GRIN2A: variants seen among roughly 807,000 people sequenced by gnomAD.
GRIN2A encodes the protein glutamate ionotropic receptor NMDA type subunit 2A.
In GRIN2A, 22 loss-of-function variants were observed where a neutral mutation model predicts 113.4. The ratio of observed to expected loss-of-function variants is 0.19; its 90% CI spans 0.14 to 0.28. The LOEUF (loss-of-function observed/expected upper bound fraction) is 0.28. Ranked by LOEUF, GRIN2A falls within the 10% of genes least tolerant of loss-of-function variation. The pLI is 1.00. For synonymous variants in GRIN2A, 827 were observed against 738.4 expected, an observed-to-expected ratio of 1.12 and a Z score of -1.94; for missense variants, 1,502 against 1,887.0, an observed-to-expected ratio of 0.80 and a Z score of 3.78.
intron 3 of GRIN2A, among the ~76,000 whole-genome samples, chr16:9,929,155 T>C (rs2044532992): frequency 6.6e-6 from 1 of 152,202 alleles, no homozygotes; most frequent in South Asian, 2.1e-4. Context: ...TGAGTCATCA[T>C]TCTCCCCTGC....
chr16:10,104,619 T>A (rs955617148), intron 2 of GRIN2A, among the ~76,000 whole-genome samples: 2 of 152,218 alleles, frequency 1.3e-5, no homozygotes, highest in Admixed American at 6.5e-5. Context: ...TGTATTTTTA[T>A]TTTTTCCAAT....
At chr16:9,908,907 C>T (rs12930734) in intron 3 of GRIN2A, among the ~76,000 whole-genome samples, 1 of 152,112 alleles carries the variant, frequency 6.6e-6, no homozygotes, top group Admixed American at 6.6e-5. Context: ...TCAGAGCTGG[C>T]TGGGGGATGA....
intron 4 of GRIN2A, among the ~76,000 whole-genome samples, chr16:9,883,536 A>G (rs2043526446): frequency 6.6e-6 from 1 of 152,240 alleles, no homozygotes; most frequent in African/African-American, 2.4e-5. Flanking sequence ...AGCAAAGAGG[A>G]CAAATGTTTG....
chr16:9,993,303 G>C (rs2046159875), intron 2 of GRIN2A, among the ~76,000 whole-genome samples: 1 of 152,038 alleles, frequency 6.6e-6, no homozygotes, highest in African/African-American at 2.4e-5. Context: ...AAATCACACT[G>C]TTTTGGGAGG....
At chr16:10,042,647 C>A (rs1186997257) in intron 2 of GRIN2A, among the ~76,000 whole-genome samples, 1 of 152,108 alleles carries the variant, frequency 6.6e-6, no homozygotes, top group Non-Finnish European at 1.5e-5. Flanking sequence ...TGTTATGCAC[C>A]AATAGCTAAC....
intron 2 of GRIN2A, among the ~76,000 whole-genome samples, chr16:10,109,989 G>A (rs1021702047): frequency 6.6e-6 from 1 of 152,062 alleles, no homozygotes; most frequent in East Asian, 1.9e-4. Context: ...CCATGCTGGT[G>A]TGCTGCATCC....
At chr16:9,873,386 A>G (rs939976893) in intron 4 of GRIN2A, among the ~76,000 whole-genome samples, 1 of 152,196 alleles carries the variant, frequency 6.6e-6, no homozygotes, top group African/African-American at 2.4e-5. Context: ...GTATTGATTC[A>G]AGTCACCAAC....
At chr16:9,979,869 G>A (rs1220332900) in intron 2 of GRIN2A, among the ~76,000 whole-genome samples, 2 of 148,968 alleles carry the variant, frequency 1.3e-5, no homozygotes, top group African/African-American at 4.9e-5. Flanking sequence ...GTGTGTGTGT[G>A]TGTGTGTATG....
In GRIN2A at chr16:9,918,555, G is replaced by A. The variant is rs950532736; in HGVS notation, c.1007+19404C>T. On this transcript the variant is annotated intron_variant, in intron 3 of 12. Coordinates refer to ENST00000330684, the MANE Select transcript of GRIN2A (RefSeq NM_001134407.3). ...GAAAGAAAAACCAAGGATAAGAGGG[G>A]ACTACTGTATAGGTTCGAGTCATTC... Among the ~76,000 whole-genome samples, 7 of 152,268 alleles carry A rather than the reference G, an allele frequency of 4.6e-5. No individual in the cohort carries two copies. The East Asian group carries it at 1.2e-3, about 25-fold the overall frequency.
At chr16:10,002,842 A>G (rs2046343655) in intron 2 of GRIN2A, among the ~76,000 whole-genome samples, 1 of 152,226 alleles carries the variant, frequency 6.6e-6, no homozygotes, top group Non-Finnish European at 1.5e-5. Context: ...TGTGTAGGAC[A>G]CATTTGTGAA....
chr16:9,784,051 C>A (rs1463451996), intron 11 of GRIN2A, among the ~76,000 whole-genome samples: 1 of 152,128 alleles, frequency 6.6e-6, no homozygotes, highest in African/African-American at 2.4e-5. Context: ...ATGAAATAAT[C>A]TGTACAACAA....
chr16:9,923,327 C>T (rs2044392889), intron 3 of GRIN2A, among the ~76,000 whole-genome samples: 4 of 152,078 alleles, frequency 2.6e-5, no homozygotes, highest in Admixed American at 2.6e-4. Context: ...AACTTTCAAC[C>T]TATTTATGCT....
intron 2 of GRIN2A, among the ~76,000 whole-genome samples, chr16:10,001,775 G>A (rs1004490713): frequency 6.6e-6 from 1 of 152,186 alleles, no homozygotes; most frequent in African/African-American, 2.4e-5. Context: ...TCATGGGGTA[G>A]GCACGGATAT....
At chr16:9,999,889 G>T (rs1337925727) in intron 2 of GRIN2A, among the ~76,000 whole-genome samples, 1 of 152,118 alleles carries the variant, frequency 6.6e-6, no homozygotes, top group Non-Finnish European at 1.5e-5. Context: ...CTGCAATTCT[G>T]AGGTCATAAA....
At chr16:10,167,155 A>G (rs1042795633) in intron 2 of GRIN2A, among the ~76,000 whole-genome samples, 24 of 152,278 alleles carry the variant, frequency 1.6e-4, no homozygotes, top group African/African-American at 5.8e-4. Flanking sequence ...AATCAAATCC[A>G]AGGAAGTCTA....
chr16:10,117,833 T>G (rs1389933428), intron 2 of GRIN2A, among the ~76,000 whole-genome samples: 1 of 152,204 alleles, frequency 6.6e-6, no homozygotes, highest in Non-Finnish European at 1.5e-5. Flanking sequence ...AGAAATATAG[T>G]GGACATAGAA....
intron 9 of GRIN2A, among the ~76,000 whole-genome samples, chr16:9,826,233 A>C (rs2042384951): frequency 6.6e-6 from 1 of 152,188 alleles, no homozygotes; most frequent in South Asian, 2.1e-4. Context: ...ACCCAGGTCC[A>C]TTTGACCCCA....
intron 2 of GRIN2A, among the ~76,000 whole-genome samples, chr16:9,991,738 A>G (rs1022808875): frequency 3.9e-5 from 6 of 152,232 alleles, no homozygotes; most frequent in Non-Finnish European, 7.3e-5. Flanking sequence ...GAACAAGTTC[A>G]TGTCCTTCGC....
intron 3 of GRIN2A, among the ~76,000 whole-genome samples, chr16:9,919,766 C>T (rs1344834028): frequency 6.6e-6 from 1 of 152,050 alleles, no homozygotes; most frequent in Non-Finnish European, 1.5e-5. Flanking sequence ...GAGAACTTGG[C>T]TCCTCTCTCC....
Sources: gnomAD v4.1 joint callset for allele counts (sites outside exome capture counted in the v4.1 genomes callset) on GRCh38, gnomAD v4.1.1 for gene constraint, MANE v1.5 for transcripts, NCBI Gene and HGNC (gene_info 2026-07-23, HGNC 2026-07-21) for gene names.